Variants in CDH13 observed in about 807,000 individuals in gnomAD.
CDH13 encodes the protein cadherin 13.
A neutral mutation model predicts 63.8 loss-of-function variants in CDH13; 24 were observed. The ratio of observed to expected loss-of-function variants is 0.38; its 90% CI spans 0.27 to 0.53. The LOEUF is 0.53. Among genes scored for constraint, CDH13 ranks in the 20% least tolerant of loss-of-function variants. CDH13 has a pLI of 0.85. For missense variants in CDH13, 1,049 were observed against 903.1 expected, an observed-to-expected ratio of 1.16 and a Z score of -2.07; for synonymous variants, 503 against 355.3, an observed-to-expected ratio of 1.42 and a Z score of -4.67.
intron 1 of CDH13, among the ~76,000 whole-genome samples, chr16:82,676,131 C>G (rs1913871981): frequency 6.6e-6 from 1 of 152,174 alleles, no homozygotes; most frequent in South Asian, 2.1e-4. Context: ...TCATCCATGT[C>G]CATGGATTCA....
chr16:82,960,927 G>C (rs898251280), intron 2 of CDH13, among the ~76,000 whole-genome samples: 2 of 152,122 alleles, frequency 1.3e-5, no homozygotes, highest in Non-Finnish European at 2.9e-5. Flanking sequence ...CTGTGATTTG[G>C]AGGGGTAAAA....
chr16:83,111,289 G>C (rs2035045387), intron 3 of CDH13, among the ~76,000 whole-genome samples: 1 of 152,178 alleles, frequency 6.6e-6, no homozygotes, highest in Non-Finnish European at 1.5e-5. Context: ...AATATCATTG[G>C]ATAGTGCCAT....
intron 1 of CDH13, among the ~76,000 whole-genome samples, chr16:82,789,896 G>A (rs2036208567): frequency 6.6e-6 from 1 of 152,154 alleles, no homozygotes; most frequent in Non-Finnish European, 1.5e-5. Flanking sequence ...CGCTCCTGCG[G>A]AGGAAGAATC....
At chr16:83,283,818 T>G (rs1394455337) in intron 5 of CDH13, among the ~76,000 whole-genome samples, 1 of 152,186 alleles carries the variant, frequency 6.6e-6, no homozygotes, top group African/African-American at 2.4e-5. Context: ...AATAGCCTTT[T>G]TTGGTAATAA....
chr16:83,050,860 C>A (rs115028347), intron 3 of CDH13, among the ~76,000 whole-genome samples: 7 of 152,104 alleles, frequency 4.6e-5, no homozygotes, highest in Non-Finnish European at 8.8e-5. Context: ...GTGCCATCCT[C>A]GTCTTCCCAT....
At chr16:83,120,742 C>G (rs2035529628) in intron 3 of CDH13, among the ~76,000 whole-genome samples, 1 of 146,372 alleles carries the variant, frequency 6.8e-6, no homozygotes, top group Non-Finnish European at 1.5e-5. Context: ...TGTGTAAATA[C>G]AACGCGCTCT....
chr16:83,592,643 C>G (rs537955090), intron 7 of CDH13, among the ~76,000 whole-genome samples: 1 of 152,252 alleles, frequency 6.6e-6, no homozygotes, highest in African/African-American at 2.4e-5. Context: ...CTATTCCAGC[C>G]ACATATGTCT....
intron 6 of CDH13, among the ~76,000 whole-genome samples, chr16:83,413,344 T>C (rs1409281080): frequency 6.6e-6 from 1 of 152,222 alleles, no homozygotes; most frequent in Non-Finnish European, 1.5e-5. Context: ...AATGTGATCA[T>C]TGCCTCAGGC....
chr16:83,662,524 C>G (rs1598431674), intron 8 of CDH13, among the ~76,000 whole-genome samples: 1 of 152,158 alleles, frequency 6.6e-6, no homozygotes, highest in South Asian at 2.1e-4. Context: ...TTGCTCCAAA[C>G]AGTGCAGAAT....
chr16:83,664,554 G>GTA (rs72075419), intron 8 of CDH13, among the ~76,000 whole-genome samples: 40,102 of 147,812 alleles, frequency 0.27, 5,497 homozygotes, highest in Middle Eastern at 0.36. Context: ...ATATATGTGT[G>GTA]TATATATATA....
intron 2 of CDH13, among the ~76,000 whole-genome samples, chr16:82,862,287 G>T (rs964110750): frequency 6.6e-6 from 1 of 152,150 alleles, no homozygotes; most frequent in African/African-American, 2.4e-5. Context: ...GCTGTCTTGG[G>T]CAACTGACCA....
intron 5 of CDH13, among the ~76,000 whole-genome samples, chr16:83,250,223 CATT>C (rs1352316118): frequency 6.6e-6 from 1 of 152,138 alleles, no homozygotes; most frequent in Non-Finnish European, 1.5e-5. Context: ...AAAAAAAACT[CATT>C]GACCCAATGA....
intron 4 of CDH13, among the ~76,000 whole-genome samples, chr16:83,149,292 A>G (rs2036875683): frequency 6.6e-6 from 1 of 152,252 alleles, no homozygotes; most frequent in Non-Finnish European, 1.5e-5. Context: ...AAAGCAGAGA[A>G]TACACATTTA....
chr16:83,362,721 T>C (rs769606786), intron 6 of CDH13, among the ~76,000 whole-genome samples: 5 of 152,212 alleles, frequency 3.3e-5, no homozygotes, highest in Non-Finnish European at 5.9e-5. Context: ...CTCTGTCTCA[T>C]TGTGGGTTAA....
At chr16:83,736,271 A>G (rs896918114) in intron 10 of CDH13, among the ~76,000 whole-genome samples, 1 of 152,192 alleles carries the variant, frequency 6.6e-6, no homozygotes, top group Non-Finnish European at 1.5e-5. Flanking sequence ...GTTTTCACCT[A>G]GGATTGATAA....
At chr16:83,422,299 A>G (rs1162074773) in intron 6 of CDH13, among the ~76,000 whole-genome samples, 5 of 152,194 alleles carry the variant, frequency 3.3e-5, no homozygotes, top group African/African-American at 4.8e-5. Flanking sequence ...AGAATTACAC[A>G]GTCATTCTCT....
intron 6 of CDH13, among the ~76,000 whole-genome samples, chr16:83,457,508 C>T (rs1280298311): frequency 2.6e-5 from 4 of 152,184 alleles, no homozygotes; most frequent in Non-Finnish European, 5.9e-5. Context: ...CACCCAGCCC[C>T]AGCTTCAGCA....
chr16:82,999,270 G>A (rs1244880418), intron 2 of CDH13, among the ~76,000 whole-genome samples: 1 of 151,884 alleles, frequency 6.6e-6, no homozygotes. Flanking sequence ...TCCTTTGTCA[G>A]TCCCAAAGCT....
At chr16:83,132,534 G>A (rs575664740) in intron 4 of CDH13, among the ~76,000 whole-genome samples, 11 of 136,516 alleles carry the variant, frequency 8.1e-5, no homozygotes, top group South Asian at 2.3e-4. Context: ...TGCAACGTCC[G>A]CCTCCCAGCT....
Sources: allele counts gnomAD v4.1 joint callset (sites outside exome capture counted in the v4.1 genomes callset), GRCh38; gene constraint gnomAD v4.1.1; transcripts MANE v1.5; gene names NCBI Gene and HGNC (gene_info 2026-07-23, HGNC 2026-07-21).